The following GTF2F2 variants were observed in gnomAD, a reference collection of about 807,000 sequenced individuals.
The protein encoded by GTF2F2 is general transcription factor IIF subunit 2.
Under a neutral mutation model 42.2 loss-of-function variants are expected in GTF2F2, and 23 were observed. The observed-to-expected ratio is 0.55, with a 90% CI of 0.39 to 0.77. GTF2F2 has a LOEUF of 0.77. Ranked by LOEUF, GTF2F2 falls within the 30% of genes least tolerant of loss-of-function variation. The pLI is 0.00. For synonymous variants in GTF2F2, 105 were observed against 100.8 expected (o/e 1.04, Z -0.25); for missense variants, 261 against 287.2 (o/e 0.91, Z 0.66).
chr13:45,144,514 G>T (rs1870094755), intron 2 of GTF2F2, among the ~76,000 whole-genome samples: 1 of 131,864 alleles, frequency 7.6e-6, no homozygotes, highest in Non-Finnish European at 1.5e-5. Flanking sequence ...AGGCTGGAGT[G>T]CAGTGGCGCG....
chr13:45,240,501 G>A (rs1161511800), intron 5 of GTF2F2, among the ~76,000 whole-genome samples: 48 of 152,082 alleles, frequency 3.2e-4, no homozygotes, highest in Admixed American at 3.1e-3. Flanking sequence ...AATTGAATTA[G>A]TTAGCAATAT....
chr13:45,280,817 G>A (rs1877230921), intron 7 of GTF2F2, among the ~76,000 whole-genome samples: 1 of 152,182 alleles, frequency 6.6e-6, no homozygotes, highest in South Asian at 2.1e-4. Flanking sequence ...AGTCAGGAGA[G>A]CTTCTTTTCT....
At chr13:45,281,800 A>G (rs566411584) in intron 7 of GTF2F2, among the ~76,000 whole-genome samples, 64 of 152,354 alleles carry the variant, frequency 4.2e-4, no homozygotes, top group Non-Finnish European at 1.9e-4. Flanking sequence ...TCTTCCATCA[A>G]TGGGATGAGT....
At chr13:45,165,331 A>ATTTTT (rs1555265772) in intron 4 of GTF2F2, among the ~76,000 whole-genome samples, 2 of 136,920 alleles carry the variant, frequency 1.5e-5, no homozygotes, top group African/African-American at 5.8e-5. Flanking sequence ...ATATATATAT[A>ATTTTT]TTTTTTTTTT....
At chr13:45,140,074 T>A (rs1280412838) in intron 2 of GTF2F2, among the ~76,000 whole-genome samples, 3 of 152,152 alleles carry the variant, frequency 2.0e-5, no homozygotes, top group Non-Finnish European at 2.9e-5. Context: ...GGTCTCACTC[T>A]GTTCCCAGGA....
intron 3 of GTF2F2, among the ~76,000 whole-genome samples, 182 bp downstream of exon 3, chr13:45,149,970 A>C (rs994528184): frequency 6.6e-5 from 10 of 152,190 alleles, no homozygotes; most frequent in African/African-American, 2.2e-4. Flanking sequence ...CTAGTTGTTC[A>C]TTCTCAGCAT....
At chr13:45,281,890 A>G (rs189813063) in intron 7 of GTF2F2, among the ~76,000 whole-genome samples, 5 of 152,332 alleles carry the variant, frequency 3.3e-5, no homozygotes, top group African/African-American at 1.2e-4. Flanking sequence ...AACAACAACA[A>G]AAGAGTCGCT....
chr13:45,223,131 C>T (rs1193177856), intron 5 of GTF2F2, among the ~76,000 whole-genome samples: 2 of 152,044 alleles, frequency 1.3e-5, no homozygotes, highest in East Asian at 3.9e-4. Context: ...CTCAGCTACT[C>T]CTGTAGTCTC....
intron 2 of GTF2F2, among the ~76,000 whole-genome samples, chr13:45,143,421 A>C (rs1322596730): frequency 6.6e-6 from 1 of 152,188 alleles, no homozygotes; most frequent in Admixed American, 6.5e-5. Context: ...ACTTTGCGTA[A>C]ATTGTTTACT....
chr13:45,235,615 A>T (rs535265518), intron 5 of GTF2F2, among the ~76,000 whole-genome samples: 17 of 151,490 alleles, frequency 1.1e-4, no homozygotes, highest in African/African-American at 3.6e-4. Flanking sequence ...CCTGAGATAG[A>T]GTCCCGCTGT....
At position 45,131,897 on chromosome 13, in the gene GTF2F2, C is replaced by CAAAA. The variant is rs765260379; in HGVS notation, c.67-4815_67-4812dup. Among the ~76,000 whole-genome samples, 278 of 53,126 alleles carry CAAAA rather than the reference C, an allele frequency of 5.2e-3. 7 individuals are homozygous for CAAAA. Among genetic ancestry groups the CAAAA allele is most frequent in the African/African-American group, 0.014 (255 of 17,982 alleles). The allele number at this position is 53,126 out of a possible 152,430, so 34.9% of individuals were successfully genotyped here. On this transcript the variant is annotated intron_variant, in intron 1 of 7. Transcript: ENST00000340473. ...TGGGTGACAGAATGAGACCCTGTCT[C>CAAAA]AAAAAAAAAAAAAAAAAAAAAAAAG...
intron 4 of GTF2F2, among the ~76,000 whole-genome samples, chr13:45,201,935 G>A (rs1225996817): frequency 6.6e-6 from 1 of 152,136 alleles, no homozygotes; most frequent in Non-Finnish European, 1.5e-5. Flanking sequence ...TTGGTGGTGT[G>A]AGCCCCTTAG....
At chr13:45,240,315 G>T (rs758259276) in intron 5 of GTF2F2, among the ~76,000 whole-genome samples, 2 of 151,782 alleles carry the variant, frequency 1.3e-5, no homozygotes, top group African/African-American at 2.4e-5. Flanking sequence ...TGACTTTGCT[G>T]CTTCTAGTAA....
In GTF2F2 at chr13:45,154,899, A is replaced by G. The variant is rs77938044; in HGVS notation, c.304+3068A>G. Among the ~76,000 whole-genome samples, 990 of 152,260 alleles carry G rather than the reference A, an allele frequency of 6.5e-3. 12 individuals are homozygous for G. The highest frequency in any genetic ancestry group is 0.023 in the African/African-American group (940 of 41,548). Reference sequence around the variant, plus strand: ...GGATTTTTATGTTAAATGTTTCTCAATTGCCTGCATGACCAAGAAAAAAGC... The same window carrying G: ...GGATTTTTATGTTAAATGTTTCTCAGTTGCCTGCATGACCAAGAAAAAAGC... On this transcript the variant is annotated intron_variant, in intron 4 of 7. Transcript: ENST00000340473.
intron 1 of GTF2F2, among the ~76,000 whole-genome samples, chr13:45,131,081 C>T (rs371759335): frequency 3.8e-4 from 58 of 152,082 alleles, no homozygotes; most frequent in African/African-American, 1.3e-3. Flanking sequence ...GGAGAAACCC[C>T]GTCTCTGCTA....
chr13:45,260,283 A>G (rs554743293), intron 6 of GTF2F2, among the ~76,000 whole-genome samples: 8 of 152,354 alleles, frequency 5.3e-5, no homozygotes, highest in African/African-American at 1.7e-4. Context: ...GGACTATATC[A>G]TGAGGGCTTT....
At chr13:45,224,382 A>C (rs1013243852) in intron 5 of GTF2F2, among the ~76,000 whole-genome samples, 1 of 152,208 alleles carries the variant, frequency 6.6e-6, no homozygotes, top group Non-Finnish European at 1.5e-5. Context: ...AAGAAGACTG[A>C]ATAGACTCTG....
chr13:45,227,123 T>C (rs1421132260), intron 5 of GTF2F2, among the ~76,000 whole-genome samples: 1 of 152,146 alleles, frequency 6.6e-6, no homozygotes, highest in Non-Finnish European at 1.5e-5. Flanking sequence ...ATTATATAGC[T>C]GGATTATAGG....
At chr13:45,244,216 C>T in intron 5 of GTF2F2, among the ~76,000 whole-genome samples, 1 of 152,090 alleles carries the variant, frequency 6.6e-6, no homozygotes, top group Non-Finnish European at 1.5e-5. Context: ...GGAGAAATTA[C>T]TTTGAACTAA....
Sources: gnomAD v4.1 joint callset for allele counts (sites outside exome capture counted in the v4.1 genomes callset) on GRCh38, gnomAD v4.1.1 for gene constraint, MANE v1.5 for transcripts, NCBI Gene and HGNC (gene_info 2026-07-23, HGNC 2026-07-21) for gene names.